The following CNTN6 variants were observed in gnomAD, a reference collection of about 807,000 sequenced individuals.
CNTN6 encodes contactin-6.
CNTN6 carries 137 observed loss-of-function variants against 122.8 expected under a neutral mutation model. The ratio of observed to expected loss-of-function variants is 1.12; its 90% confidence interval spans 0.97 to 1.29. The LOEUF is 1.29. Among genes scored for constraint, CNTN6 ranks in the 50% most tolerant of loss-of-function variants. The pLI, the probability that CNTN6 is intolerant of heterozygous loss-of-function variation, is 0.00. For missense variants in CNTN6, 1,634 were observed against 1,223.4 expected (o/e 1.34, Z -5.01); for synonymous variants, 570 against 426.0 (o/e 1.34, Z -4.16).
Position 1,278,492 on chromosome 3 carries a change from A to G in CNTN6, c.438A>G (p.Pro146=). The change falls in exon 5 of 23, where the codon CCA becomes CCG. Residue 146 remains proline, a synonymous_variant. Coordinates refer to ENST00000446702, the MANE Select transcript of CNTN6 (RefSeq NM_001289080.2). ...AAGGTGTGGTGCTTCTCTGTGGCCC[A>G]CCGCCACATTTTGGAGGTATGATGG... ...EGQGVVLLCG[P]PPHFGDLSYA... is the part of the protein sequence containing the mutation. 6.2e-7 allele frequency: 1 copy of G among 1,611,516 alleles called. No homozygotes were observed. Among genetic ancestry groups the G allele is most frequent in the Non-Finnish European group, 8.5e-7 (1 of 1,178,194 alleles).
chr3:1,344,277 C>T (rs975444796), intron 11 of CNTN6, among the ~76,000 whole-genome samples: 1 of 152,078 alleles, frequency 6.6e-6, no homozygotes, highest in Non-Finnish European at 1.5e-5. Context: ...CACCTGCTGC[C>T]TCACTTCAAG....
chr3:1,324,891 A>C (rs1202707059), intron 8 of CNTN6, among the ~76,000 whole-genome samples: 2 of 149,530 alleles, frequency 1.3e-5, no homozygotes, highest in Admixed American at 6.6e-5. Flanking sequence ...GAATCCACTG[A>C]AAGATTGTAG....
intron 12 of CNTN6, among the ~76,000 whole-genome samples, chr3:1,359,543 T>C (rs1575851630): frequency 6.6e-6 from 1 of 152,044 alleles, no homozygotes; most frequent in East Asian, 1.9e-4. Flanking sequence ...GAAGGTAAAT[T>C]GGAATATATT....
chr3:1,334,398 C>T (rs1702757847), intron 11 of CNTN6, among the ~76,000 whole-genome samples: 1 of 150,096 alleles, frequency 6.7e-6, no homozygotes, highest in Non-Finnish European at 1.5e-5. Context: ...TTTTTGAGGC[C>T]ACTATTTCCT....
At chr3:1,368,699 T>C (rs1442095170) in intron 12 of CNTN6, among the ~76,000 whole-genome samples, 3 of 152,154 alleles carry the variant, frequency 2.0e-5, no homozygotes, top group African/African-American at 7.2e-5. Context: ...AGATATAACC[T>C]CAATAAAGTA....
At chr3:1,204,219 G>A (rs977062627) in intron 2 of CNTN6, among the ~76,000 whole-genome samples, 4 of 152,132 alleles carry the variant, frequency 2.6e-5, no homozygotes, top group African/African-American at 9.7e-5. Context: ...AGGAACCAAT[G>A]GGCCACACTG....
chr3:1,133,813 CAT>C (rs979289020), intron 1 of CNTN6, among the ~76,000 whole-genome samples: 8 of 152,224 alleles, frequency 5.3e-5, no homozygotes, highest in Middle Eastern at 3.4e-3. Context: ...GTTAGGGAAA[CAT>C]GTGTTCTCAT....
At chr3:1,145,194 G>A (rs76431512) in intron 1 of CNTN6, among the ~76,000 whole-genome samples, 2,921 of 152,188 alleles carry the variant, frequency 0.019, 102 homozygotes, top group African/African-American at 0.066. Flanking sequence ...CCAGATCAAC[G>A]GGTTTATTAT....
intron 5 of CNTN6, 36 bp downstream of exon 5, chr3:1,278,544 G>A (rs374109154): frequency 7.3e-5 from 105 of 1,441,826 alleles, no homozygotes; most frequent in Non-Finnish European, 9.6e-5. Context: ...TCATCAATGC[G>A]GTCACTTGGA....
At chr3:1,389,568 T>C (rs971020445) in intron 20 of CNTN6, among the ~76,000 whole-genome samples, 1 of 152,080 alleles carries the variant, frequency 6.6e-6, no homozygotes, top group Non-Finnish European at 1.5e-5. Context: ...ATAACAATAT[T>C]AACTTTAAAT....
At chr3:1,329,968 GT>G (rs781667206) in intron 11 of CNTN6, 33 bp downstream of exon 11, 1 of 1,476,048 alleles carries the variant, frequency 6.8e-7, no homozygotes, top group South Asian at 1.4e-5. Context: ...AAATATTTTT[GT>G]TTGTAATATA....
chr3:1,346,022 A>C (rs1704634178), intron 11 of CNTN6, among the ~76,000 whole-genome samples: 1 of 151,612 alleles, frequency 6.6e-6, no homozygotes, highest in South Asian at 2.1e-4. Flanking sequence ...GCTATTTCTA[A>C]TCCTCTTTGT....
chr3:1,379,156 A>C (rs1424587309), intron 17 of CNTN6, among the ~76,000 whole-genome samples: 1 of 150,232 alleles, frequency 6.7e-6, no homozygotes, highest in East Asian at 1.9e-4. Context: ...CTATGCATTC[A>C]TTCTTAAATA....
At chr3:1,296,137 T>C (rs990497942) in intron 6 of CNTN6, among the ~76,000 whole-genome samples, 2 of 152,102 alleles carry the variant, frequency 1.3e-5, no homozygotes, top group Non-Finnish European at 2.9e-5. Context: ...CTGCCAAACA[T>C]ATAACTGAAT....
At chr3:1,174,326 T>G (rs1337707813) in intron 2 of CNTN6, among the ~76,000 whole-genome samples, 4 of 152,176 alleles carry the variant, frequency 2.6e-5, no homozygotes, top group Non-Finnish European at 5.9e-5. Flanking sequence ...TTAATTGGCA[T>G]AGGAGCTCAT....
At chr3:1,319,371 A>G (rs1224894430) in intron 7 of CNTN6, among the ~76,000 whole-genome samples, 4 of 151,648 alleles carry the variant, frequency 2.6e-5, no homozygotes, top group South Asian at 2.1e-4. Flanking sequence ...GTGAAATTAT[A>G]TGTACGTATT....
intron 2 of CNTN6, among the ~76,000 whole-genome samples, chr3:1,162,247 C>T (rs1371337392): frequency 1.3e-5 from 2 of 151,850 alleles, no homozygotes; most frequent in African/African-American, 4.8e-5. Context: ...AGCCTGGAAA[C>T]AATAATGATT....
At chr3:1,212,800 T>G (rs1448629822) in intron 2 of CNTN6, among the ~76,000 whole-genome samples, 1 of 152,168 alleles carries the variant, frequency 6.6e-6, no homozygotes, top group Non-Finnish European at 1.5e-5. Context: ...AGACTTGCTG[T>G]TATTTCATCA....
chr3:1,399,122 C>A (rs1695343423), intron 20 of CNTN6, among the ~76,000 whole-genome samples: 1 of 152,066 alleles, frequency 6.6e-6, no homozygotes. Context: ...TCAGAATCCA[C>A]ACTGCCAATG....
Sources: gnomAD v4.1 joint callset for allele counts (sites outside exome capture counted in the v4.1 genomes callset) on GRCh38, gnomAD v4.1.1 for gene constraint, MANE v1.5 for transcripts, NCBI Gene and HGNC (gene_info 2026-07-23, HGNC 2026-07-21) for gene names.